Variants in CUL9 observed in about 807,000 individuals in gnomAD.
CUL9 encodes the protein cullin 9.
In CUL9, 79 loss-of-function variants were observed where a neutral mutation model predicts 272.6. That is an observed-to-expected ratio of 0.29 (90% CI 0.24 to 0.35). The LOEUF (loss-of-function observed/expected upper bound fraction) is 0.35. Among genes scored for constraint, CUL9 ranks in the 10% least tolerant of loss-of-function variants. The probability of loss-of-function intolerance (pLI) is 1.00; values close to 1 mark genes in which losing one functional copy is unlikely to be tolerated. For synonymous variants in CUL9, 1,186 were observed against 1,286.5 expected (o/e 0.92, Z 1.67); for missense variants, 2,532 against 3,255.6 (o/e 0.78, Z 5.41).
At position 43,204,374 on chromosome 6, in the gene CUL9, A is replaced by T; in HGVS notation, c.4174A>T (p.Ser1392Cys). The T allele has an allele frequency of 6.2e-7, 1 of 1,613,950 alleles. No homozygotes were observed. Among genetic ancestry groups the T allele is most frequent in the African/African-American group, 1.3e-5 (1 of 75,030 alleles). ...NITSPDAEGV[S>C]ALGWLLDQYL... is the part of the protein sequence containing the mutation. ...TCTTCTTTCAGATGCGGAAGGCGTG[A>T]GTGCCCTGGGATGGCTGCTGGATCA... Residue 1392 changes from serine (S) to cysteine (C), a missense_variant, in exon 21 of 41, where the codon AGT becomes TGT. Transcript: ENST00000252050.
intron 9 of CUL9, among the ~76,000 whole-genome samples, chr6:43,195,179 G>A (rs1038737580): frequency 6.6e-6 from 1 of 152,222 alleles, no homozygotes; most frequent in Non-Finnish European, 1.5e-5. Context: ...AGTAGAAGTT[G>A]CTTGGAGGGT....
intron 8 of CUL9, among the ~76,000 whole-genome samples, chr6:43,192,262 A>T (rs966317709): frequency 6.6e-6 from 1 of 151,732 alleles, no homozygotes; most frequent in Non-Finnish European, 1.5e-5. Context: ...CATGTTGCCC[A>T]TGGCAAAAGC....
rs755755698 is a variant in CUL9, at chr6:43,193,113, C to T, written c.2293C>T (p.Arg765Trp). 2.7e-5 allele frequency: 44 copies of T among 1,614,034 alleles called. No individual in the cohort carries two copies. Among genetic ancestry groups the T allele is most frequent in the East Asian group, 6.7e-5 (3 of 44,894 alleles). ...CCTGCTCATGACCAAGCACGAGTGG[C>T]GGCCGCTCTTTGCCAGGGAGGGTGG... The part of the protein sequence containing the change: ...LYLLMTKHEW[R>W]PLFAREGGIY... The change falls in exon 9 of 41, where the codon CGG becomes TGG. Residue 765 changes from arginine (R) to tryptophan (W), a missense_variant. Physicochemically the swap from Arg to Trp is moderately radical, Grantham distance 101. This residue lies in a region of CUL9 where 2,218 missense variants were observed against 2,788.6 expected (regional missense o/e 0.80). Coordinates refer to ENST00000252050, the MANE Select transcript of CUL9 (RefSeq NM_015089.4).
chr6:43,212,878 T>G lies in CUL9; in HGVS notation c.5213-271T>G, dbSNP rs1163973578. On this transcript the variant is annotated intron_variant, in intron 26 of 40. Transcript: ENST00000252050. ...GAGCTCCTTGAGGGCAAAATGCAAG[T>G]GTTTTCTCTCTGGTGTTTTTGCATG... The G allele has an allele frequency of 6.0e-5, 23 of 384,520 alleles. No individual in the cohort carries two copies. The East Asian group carries it at 1.1e-3, about 18-fold the overall frequency. The allele number at this position is 384,520 out of a possible 1,614,324, so 23.8% of individuals were successfully genotyped here. A position where few individuals can be genotyped will look rare whatever the true frequency, so the allele number is the denominator to read the frequency against.
intron 9 of CUL9, among the ~76,000 whole-genome samples, chr6:43,194,680 G>A (rs1773842136): frequency 6.6e-6 from 1 of 152,030 alleles, no homozygotes. Context: ...AGATCATCAT[G>A]CTCAAAGAAT....
chr6:43,218,011 GCC>G lies in CUL9; in HGVS notation c.6282+1509_6282+1510del, dbSNP rs1776054766. 6.6e-6 allele frequency among the ~76,000 whole-genome samples: 1 copy of G among 152,130 alleles called. No homozygotes were observed. Among genetic ancestry groups the G allele is most frequent in the Non-Finnish European group, 1.5e-5 (1 of 68,024 alleles). Reference sequence around the variant, plus strand: ...GAGACACTCAGAGGTGAAGTAATTTGCCAAAGGTCAGGATTTGAATTTTGGCA... The same window carrying G: ...GAGACACTCAGAGGTGAAGTAATTTGAAAGGTCAGGATTTGAATTTTGGCA... On this transcript the variant is annotated intron_variant, in intron 31 of 40. Coordinates refer to ENST00000252050, the MANE Select transcript of CUL9 (RefSeq NM_015089.4). This position sits in a 1 kb window ranked among gnomAD's most constrained non-coding sequence, Gnocchi z 4.4.
chr6:43,216,466 A>T lies in CUL9; in HGVS notation c.6245A>T (p.Asp2082Val), dbSNP rs766979342. 1.2e-6 allele frequency: 2 copies of T among 1,603,270 alleles called. No homozygotes were observed. Among genetic ancestry groups the T allele is most frequent in the Non-Finnish European group, 1.7e-6 (2 of 1,171,362 alleles). ...GTGAGCCCCCTGGGGTGTGACGACG[A>T]CCTGCCCTCTCTCTGCTGCATGCAC... ...VCVSPLGCDD[D>V]LPSLCCMHYC... is the part of the protein sequence containing the mutation. The change falls in exon 31 of 41, where the codon GAC becomes GTC. Residue 2082 changes from aspartate (D) to valine (V), a missense_variant. Asp to Val is a radical substitution (Grantham distance 152). Coordinates refer to ENST00000252050, the MANE Select transcript of CUL9 (RefSeq NM_015089.4).
chr6:43,201,406 TAAGA>T (rs1263108303), intron 16 of CUL9, among the ~76,000 whole-genome samples: 7 of 152,310 alleles, frequency 4.6e-5, no homozygotes, highest in African/African-American at 1.4e-4. Context: ...AAAATGGAAG[TAAGA>T]AAGTATATTT....
In CUL9 at chr6:43,199,979, G is replaced by C; in HGVS notation, c.3207G>C (p.Lys1069Asn). 6.2e-7 allele frequency: 1 copy of C among 1,614,192 alleles called. No homozygotes were observed. ...CFLHRLASMH[K>N]DYAVVLCCLG... ...TACATCGCCTGGCCTCGATGCATAAGGACTATGCTGTGGTGCTCTGCTGCC... is the reference window on the plus strand; with the variant it reads ...TACATCGCCTGGCCTCGATGCATAACGACTATGCTGTGGTGCTCTGCTGCC... Residue 1069 changes from lysine (K) to asparagine (N), a missense_variant, in exon 14 of 41, where the codon AAG becomes AAC. By Grantham distance (94) the Lys-to-Asn change is moderately conservative (BLOSUM62 0). This residue lies in a region of CUL9 where 2,218 missense variants were observed against 2,788.6 expected (regional missense o/e 0.80). Transcript: ENST00000252050. This position sits in a 1 kb window ranked among gnomAD's most constrained non-coding sequence, Gnocchi z 4.4.
At position 43,200,248 on chromosome 6, in the gene CUL9, G is replaced by A. The variant is rs1774397958; in HGVS notation, c.3384+92G>A. On this transcript the variant is annotated intron_variant, in intron 14 of 40. Coordinates refer to ENST00000252050, the MANE Select transcript of CUL9 (RefSeq NM_015089.4). The surrounding 1 kb of genome is among the most constrained non-coding windows in gnomAD (Gnocchi z 4.0). ...GTGTTCCTCTTTGGTATCCCTGTTT[G>A]GCACAGGTTGTAGCAAATCTGGGGC... 6.9e-7 allele frequency: 1 copy of A among 1,451,554 alleles called. No homozygotes were observed. The highest frequency in any genetic ancestry group is 1.9e-5 in the Admixed American group (1 of 51,794). The allele number at this position is 1,451,554 out of a possible 1,614,324, so 89.9% of individuals were successfully genotyped here.
At chr6:43,187,497 T>C (rs1442297750) in intron 6 of CUL9, 58 bp downstream of exon 6, 15 of 1,551,844 alleles carry the variant, frequency 9.7e-6, no homozygotes, top group Non-Finnish European at 1.3e-5. Context: ...TGGGATTCTC[T>C]AGAGGGAGTT....
In CUL9 at chr6:43,213,626, TG is replaced by T; in HGVS notation, c.5488+65del. On this transcript the variant is annotated intron_variant, in intron 28 of 40. Transcript: ENST00000252050. The surrounding 1 kb of genome is among the most constrained non-coding windows in gnomAD (Gnocchi z 5.7). The stretch of plus-strand genomic sequence containing the variant: ...GCTGGTCGGGGGGTCGCCCTCAAGA[TG>T]GGGGGACTGTGAGAATGGGGTCATC... 1.3e-6 allele frequency: 2 copies of T among 1,548,842 alleles called. No homozygotes were observed. Among genetic ancestry groups the T allele is most frequent in the Admixed American group, 1.7e-5 (1 of 57,774 alleles).
chr6:43,222,461 G>GGGGGGGGGGGGGGGGGGGGGGGGC, intron 36 of CUL9, 70 bp from the exon 37 acceptor site: 1 of 1,343,756 alleles, frequency 7.4e-7, no homozygotes, highest in Non-Finnish European at 1.1e-6. Context: ...AGGGGGGTGG[G>GGGGGGGGGGGGGGGGGGGGGGGGC]CTGAAGGTCT....
Position 43,213,922 on chromosome 6 carries a change from G to C in CUL9, c.5688+10G>C. 1 of 1,613,936 alleles carries C rather than the reference G, an allele frequency of 6.2e-7. No individual in the cohort carries two copies. Among genetic ancestry groups the C allele is most frequent in the Non-Finnish European group, 8.5e-7 (1 of 1,180,010 alleles). On this transcript the variant is annotated intron_variant, in intron 29 of 40. Transcript: ENST00000252050. The surrounding 1 kb of genome is among the most constrained non-coding windows in gnomAD (Gnocchi z 5.7). Reference sequence around the variant, plus strand: ...TCAGCTGGTTTGTCTGGTAGGCAGAGAGGGGACCATGAAGTTGGCGGAGGG... The same window carrying C: ...TCAGCTGGTTTGTCTGGTAGGCAGACAGGGGACCATGAAGTTGGCGGAGGG...
At position 43,220,371 on chromosome 6, in the gene CUL9, A is replaced by G. The variant is rs1253946690; in HGVS notation, c.6283-88A>G. 3 of 1,460,960 alleles carry G rather than the reference A, an allele frequency of 2.1e-6. No individual in the cohort carries two copies. Among genetic ancestry groups the G allele is most frequent in the Non-Finnish European group, 2.8e-6 (3 of 1,061,400 alleles). 90.5% of individuals were successfully genotyped at this position (1,460,960 alleles called of 1,614,324 possible). On this transcript the variant is annotated intron_variant, in intron 31 of 40. Coordinates refer to ENST00000252050, the MANE Select transcript of CUL9 (RefSeq NM_015089.4). The surrounding 1 kb of genome is among the most constrained non-coding windows in gnomAD (Gnocchi z 4.9). ...CCACGTTGTAGTGGAGGGGAAGGGAAGGAGGGACGCTAGCTTAGTTACCAG... is the reference window on the plus strand; with the variant it reads ...CCACGTTGTAGTGGAGGGGAAGGGAGGGAGGGACGCTAGCTTAGTTACCAG...
intron 8 of CUL9, among the ~76,000 whole-genome samples, chr6:43,191,507 C>CTTTTTTTTTTTTTTTTTTT (rs1554167922): frequency 1.4e-3 from 101 of 73,072 alleles, no homozygotes; most frequent in African/African-American, 2.8e-3. Context: ...TTTTTTTTTA[C>CTTTTTTTTTTTTTTTTTTT]TTTTTGTAGA....
In CUL9 at chr6:43,216,431, C is replaced by T. The variant is rs140214415; in HGVS notation, c.6210C>T (p.Cys2070=). Residue 2070 remains cysteine, a synonymous_variant, in exon 31 of 41, where the codon TGC becomes TGT. Coordinates refer to ENST00000252050, the MANE Select transcript of CUL9 (RefSeq NM_015089.4). ...AQAVPVRPDH[C]PVCVSPLGCD... ...CTGTACCCGTACGGCCTGACCACTG[C>T]CCCGTCTGTGTGAGCCCCCTGGGGT... 123 of 1,612,784 alleles carry T rather than the reference C, an allele frequency of 7.6e-5. No homozygotes were observed. In the African/African-American group the frequency reaches 1.1e-3, roughly 15 times the overall value.
Position 43,223,236 on chromosome 6 carries a change from G to A in CUL9, c.7151-28G>A, listed in dbSNP as rs1371249665. The A allele has an allele frequency of 6.4e-7, 1 of 1,573,828 alleles. No homozygotes were observed. The highest frequency in any genetic ancestry group is 1.2e-5 in the South Asian group (1 of 86,508). ...GGAATGGATGAGAATGAGAAGGGAG[G>A]GAGCCTCTGTGCCTGCCCCCTCTGC... On this transcript the variant is annotated intron_variant, in intron 38 of 40. Transcript: ENST00000252050. This position sits in a 1 kb window ranked among gnomAD's most constrained non-coding sequence, Gnocchi z 4.1.
In CUL9 at chr6:43,221,721, G is replaced by C; in HGVS notation, c.6789G>C (p.Trp2263Cys). Residue 2263 changes from tryptophan to cysteine, a missense_variant, in exon 35 of 41, where the codon TGG becomes TGC. Around this residue, in one of 3 missense-constraint regions of CUL9, gnomAD observed 77 missense variants for 161.1 expected, o/e 0.48. Transcript: ENST00000252050. The surrounding 1 kb of genome is among the most constrained non-coding windows in gnomAD (Gnocchi z 4.2). The part of the protein sequence containing the change: ...TCAKCNHGFC[W>C]RCLKSWKPNH... ...CCAAATGTAACCATGGATTCTGCTG[G>C]CGCTGCCTCAAGTCCTGGAAGCCAA... 2 of 1,613,834 alleles carry C rather than the reference G, an allele frequency of 1.2e-6. No individual in the cohort carries two copies. The highest frequency in any genetic ancestry group is 1.7e-6 in the Non-Finnish European group (2 of 1,180,038).
Sources: allele counts gnomAD v4.1 joint callset (sites outside exome capture counted in the v4.1 genomes callset), GRCh38; gene constraint gnomAD v4.1.1; regional missense constraint gnomAD v4.1.1; non-coding constraint Gnocchi (gnomAD v3.1); transcripts MANE v1.5; gene names NCBI Gene and HGNC (gene_info 2026-07-23, HGNC 2026-07-21).